TET1: variants seen among roughly 807,000 people sequenced by gnomAD.
TET1 encodes the protein tet methylcytosine dioxygenase 1, also known as methylcytosine dioxygenase TET1.
In TET1, 13 loss-of-function variants were observed where a neutral mutation model predicts 148.7. That is an observed-to-expected ratio of 0.09 (90% CI 0.06 to 0.14). TET1 has a LOEUF of 0.14. TET1 is among the 10% of genes least tolerant of loss of function. TET1 has a pLI of 1.00. For missense variants in TET1, 2,182 were observed against 2,553.8 expected (o/e 0.85, Z 3.14); for synonymous variants, 907 against 937.2 (o/e 0.97, Z 0.59).
intron 1 of TET1, among the ~76,000 whole-genome samples, chr10:68,563,119 T>G (rs1821879937): frequency 6.6e-6 from 1 of 152,130 alleles, no homozygotes; most frequent in African/African-American, 2.4e-5. Flanking sequence ...CATTCTAACG[T>G]CTCCCTTCCC....
In TET1 at chr10:68,573,500, G is replaced by A. The variant is rs2053694005; in HGVS notation, c.1162G>A (p.Ala388Thr). 9.3e-6 allele frequency: 15 copies of A among 1,613,930 alleles called. No homozygotes were observed. The highest frequency in any genetic ancestry group is 2.7e-5 in the African/African-American group (2 of 74,870). ...LPGADPVHGE[A>T]LGETPDLPEI... ...TGGTGCTGACCCAGTTCATGGTGAG[G>A]CCCTGGGTGAGACCCCAGATCTACC... is the stretch of plus-strand genomic sequence containing the variant. The change falls in exon 2 of 12, where the codon GCC (alanine) becomes ACC (threonine). Residue 388 changes from alanine to threonine, a missense_variant. Ala to Thr is a moderately conservative substitution (Grantham distance 58). Around this residue, in one of 11 missense-constraint regions of TET1, gnomAD observed 665 missense variants for 672.4 expected, o/e 0.99. Coordinates refer to ENST00000373644, the MANE Select transcript of TET1 (RefSeq NM_030625.3).
At chr10:68,639,292 T>G (rs1179007099) in intron 3 of TET1, among the ~76,000 whole-genome samples, 1 of 151,784 alleles carries the variant, frequency 6.6e-6, no homozygotes, top group East Asian at 1.9e-4. Context: ...TGTGGTCCTG[T>G]GAGCCTGTAA....
intron 11 of TET1, among the ~76,000 whole-genome samples, chr10:68,687,650 G>A (rs771511391): frequency 2.0e-5 from 3 of 151,926 alleles, no homozygotes; most frequent in African/African-American, 7.3e-5. Flanking sequence ...ATGCAGTGGC[G>A]TGATCATGGC....
intron 3 of TET1, among the ~76,000 whole-genome samples, chr10:68,629,925 A>G (rs2054544434): frequency 2.6e-5 from 4 of 152,218 alleles, no homozygotes; most frequent in African/African-American, 7.2e-5. Flanking sequence ...CTACATACTT[A>G]AAGTCACCCT....
At chr10:68,612,279 G>A (rs1184885318) in intron 3 of TET1, among the ~76,000 whole-genome samples, 7 of 151,934 alleles carry the variant, frequency 4.6e-5, no homozygotes, top group South Asian at 2.1e-4. Context: ...TGGTATAGAC[G>A]AGGTTTCACC....
chr10:68,575,155 G>A (rs559179661), intron 2 of TET1, among the ~76,000 whole-genome samples: 3 of 152,280 alleles, frequency 2.0e-5, no homozygotes, highest in East Asian at 1.9e-4. Context: ...AGGCCGAGGC[G>A]GGCAGATCAC....
chr10:68,632,835 TAAAAA>T, intron 3 of TET1: 18 of 436,066 alleles, frequency 4.1e-5, no homozygotes, highest in Non-Finnish European at 4.5e-5. Flanking sequence ...GTTTAAGTTG[TAAAAA>T]AAAAAAAAAA....
intron 1 of TET1, among the ~76,000 whole-genome samples, chr10:68,570,252 C>A (rs536912786): frequency 1.3e-5 from 2 of 152,014 alleles, no homozygotes; most frequent in South Asian, 4.2e-4. Context: ...TTACAGGCGC[C>A]TGCCACCACG....
At chr10:68,583,014 A>G (rs1389684365) in intron 2 of TET1, among the ~76,000 whole-genome samples, 1 of 152,226 alleles carries the variant, frequency 6.6e-6, no homozygotes, top group Non-Finnish European at 1.5e-5. Context: ...AAATTTTGTC[A>G]CAGCAGTTCA....
chr10:68,561,629 G>A (rs1035400395), intron 1 of TET1, among the ~76,000 whole-genome samples: 1 of 151,984 alleles, frequency 6.6e-6, no homozygotes, highest in African/African-American at 2.4e-5. Flanking sequence ...TCTCGGGCGA[G>A]GAGGCGGCCG....
At chr10:68,597,030 ATT>A (rs553591899) in intron 2 of TET1, among the ~76,000 whole-genome samples, 13 of 98,878 alleles carry the variant, frequency 1.3e-4, no homozygotes, top group South Asian at 7.4e-4. Context: ...CAGCTAATGG[ATT>A]TTTTTTTTTT....
At chr10:68,618,067 C>T (rs1437468931) in intron 3 of TET1, among the ~76,000 whole-genome samples, 1 of 151,918 alleles carries the variant, frequency 6.6e-6, no homozygotes, top group Non-Finnish European at 1.5e-5. Context: ...AGTCACCATA[C>T]CTGGCTTTGA....
intron 2 of TET1, among the ~76,000 whole-genome samples, chr10:68,594,403 T>TAA (rs2053954724): frequency 6.6e-6 from 1 of 152,194 alleles, no homozygotes; most frequent in Non-Finnish European, 1.5e-5. Context: ...TCACCTACTT[T>TAA]TTCCTCAATT....
intron 6 of TET1, among the ~76,000 whole-genome samples, chr10:68,662,786 CTAGCTACTTGG>C (rs2055141055): frequency 1.3e-5 from 2 of 152,276 alleles, no homozygotes. Context: ...ACCTGTAGTT[CTAGCTACTTGG>C]GAGGGTTAGG....
intron 6 of TET1, among the ~76,000 whole-genome samples, chr10:68,664,777 T>A (rs2055174196): frequency 6.7e-6 from 1 of 149,686 alleles, no homozygotes; most frequent in Admixed American, 6.7e-5. Flanking sequence ...TTCTTTATTT[T>A]TTTATTTTAT....
intron 3 of TET1, among the ~76,000 whole-genome samples, chr10:68,637,518 C>CTTTTTTT (rs34260111): frequency 4.2e-4 from 45 of 106,128 alleles, no homozygotes; most frequent in South Asian, 7.0e-4. Context: ...GTTTCCTATT[C>CTTTTTTT]TTTTTTTTTT....
chr10:68,593,476 T>A, intron 2 of TET1, among the ~76,000 whole-genome samples: 1 of 152,110 alleles, frequency 6.6e-6, no homozygotes, highest in Non-Finnish European at 1.5e-5. Flanking sequence ...GGAGTCTCAC[T>A]CTGTTGCCCA....
At chr10:68,669,237 C>T (rs2055235196) in intron 7 of TET1, among the ~76,000 whole-genome samples, 1 of 82,812 alleles carries the variant, frequency 1.2e-5, no homozygotes, top group Non-Finnish European at 2.9e-5. Context: ...CAAGTCTTCC[C>T]CTCACCACCC....
chr10:68,691,522 A>T lies in TET1; in HGVS notation c.6119A>T (p.His2040Leu). The change falls in exon 12 of 12, where the codon CAT becomes CTT. Residue 2040 changes from histidine to leucine, a missense_variant. His to Leu is a moderately conservative substitution (Grantham distance 99). Around this residue, in one of 11 missense-constraint regions of TET1, gnomAD observed 20 missense variants for 23.9 expected, o/e 0.84. Coordinates refer to ENST00000373644, the MANE Select transcript of TET1 (RefSeq NM_030625.3). The surrounding 1 kb of genome is among the most constrained non-coding windows in gnomAD (Gnocchi z 4.4). ...CCTGTTGAGCACCCCAACCGTAATC[A>T]TCCAACCCGCCTCTCCCTTGTCTTT... Reference protein sequence around the residue: ...TTPVEHPNRNHPTRLSLVFYQ... With the variant: ...TTPVEHPNRNLPTRLSLVFYQ... The T allele has an allele frequency of 6.2e-7, 1 of 1,614,062 alleles. No individual in the cohort carries two copies. Among genetic ancestry groups the T allele is most frequent in the Non-Finnish European group, 8.5e-7 (1 of 1,180,010 alleles).
Sources: allele counts gnomAD v4.1 joint callset (sites outside exome capture counted in the v4.1 genomes callset), GRCh38; gene constraint gnomAD v4.1.1; regional missense constraint gnomAD v4.1.1; non-coding constraint Gnocchi (gnomAD v3.1); transcripts MANE v1.5; gene names NCBI Gene and HGNC (gene_info 2026-07-23, HGNC 2026-07-21).